Variants in CDC25A observed in about 807,000 individuals in gnomAD.
CDC25A encodes M-phase inducer phosphatase 1.
Under a neutral mutation model 64.6 loss-of-function variants are expected in CDC25A, and 17 were observed. The observed-to-expected ratio is 0.26, with a 90% CI of 0.18 to 0.39. The LOEUF is 0.39. Among genes scored for constraint, CDC25A ranks in the 10% least tolerant of loss-of-function variants. The pLI is 1.00. For missense variants in CDC25A, 473 were observed against 654.8 expected (o/e 0.72, Z 3.03); for synonymous variants, 229 against 238.6 (o/e 0.96, Z 0.37).
intron 10 of CDC25A, among the ~76,000 whole-genome samples, chr3:48,166,146 G>A (rs780483697): frequency 3.9e-5 from 6 of 152,094 alleles, no homozygotes; most frequent in East Asian, 1.9e-4. Flanking sequence ...TTAGCCGGGC[G>A]TTAGCATGCA....
chr3:48,169,941 G>A (rs533847523), intron 9 of CDC25A, among the ~76,000 whole-genome samples: 20 of 152,084 alleles, frequency 1.3e-4, no homozygotes, highest in African/African-American at 3.1e-4. Context: ...CCTGAGAGGC[G>A]GAGGTTGCAG....
intron 13 of CDC25A, among the ~76,000 whole-genome samples, chr3:48,164,076 G>A (rs1444467877): frequency 6.6e-6 from 1 of 152,226 alleles, no homozygotes; most frequent in Non-Finnish European, 1.5e-5. Context: ...CTTTGTACTT[G>A]AAGGAGGTCA....
At chr3:48,159,562 TCC>T in intron 13 of CDC25A, 107 bp from the exon 14 acceptor site, 1 of 706,276 alleles carries the variant, frequency 1.4e-6, no homozygotes, top group Non-Finnish European at 2.5e-6. Context: ...ATACACATCT[TCC>T]CAACTTGACA....
intron 13 of CDC25A, among the ~76,000 whole-genome samples, chr3:48,163,397 G>A (rs879349403): frequency 1.3e-3 from 198 of 152,052 alleles, no homozygotes; most frequent in Non-Finnish European, 1.6e-3. Context: ...CTAAGGTCGG[G>A]AGTTCAAGAC....
chr3:48,169,030 T>C (rs982410156), intron 9 of CDC25A, among the ~76,000 whole-genome samples: 4 of 152,220 alleles, frequency 2.6e-5, no homozygotes, highest in Non-Finnish European at 4.4e-5. Context: ...ATAATACTTG[T>C]AATACACAGA....
chr3:48,188,244 G>T lies in CDC25A; in HGVS notation c.-297C>A, dbSNP rs3731486. ...AAGATTAAATCCAAACAAACGTGGC[G>T]GGTCGGCAAGAGAAGCCGGGCGAGA... On this transcript the variant is annotated 5_prime_UTR_variant, in exon 1 of 15. Coordinates refer to ENST00000302506, the MANE Select transcript of CDC25A (RefSeq NM_001789.3). The T allele has an allele frequency of 1.1e-5, 3 of 268,832 alleles. No individual in the cohort carries two copies. The highest frequency in any genetic ancestry group is 2.1e-5 in the Non-Finnish European group (3 of 144,090). The allele number at this position is 268,832 out of a possible 1,614,324, so 16.7% of individuals were successfully genotyped here.
At position 48,158,005 on chromosome 3, in the gene CDC25A, A is replaced by AC. The variant is rs1316897547; in HGVS notation, c.*939dup. On this transcript the variant is annotated 3_prime_UTR_variant, in exon 15 of 15. Coordinates refer to ENST00000302506, the MANE Select transcript of CDC25A (RefSeq NM_001789.3). The stretch of plus-strand genomic sequence containing the variant: ...CATCCTGTGGAGCCCACCTACCCCC[A>AC]CCCCCCTTCCCTGGGAAACCTACAC... 3 of 124,986 alleles carry AC rather than the reference A, an allele frequency of 2.4e-5. No homozygotes were observed. Among genetic ancestry groups the AC allele is most frequent in the African/African-American group, 2.9e-5 (1 of 34,120 alleles). 7.7% of individuals were successfully genotyped at this position (124,986 alleles called of 1,614,324 possible). A position where few individuals can be genotyped will look rare whatever the true frequency, so the allele number is the denominator to read the frequency against.
intron 8 of CDC25A, among the ~76,000 whole-genome samples, chr3:48,176,196 C>A (rs566470286): frequency 2.0e-5 from 3 of 151,906 alleles, no homozygotes; most frequent in African/African-American, 7.2e-5. Flanking sequence ...AACAAACAAA[C>A]AAAAAAACTG....
chr3:48,174,260 C>A, intron 9 of CDC25A, 24 bp downstream of exon 9: 1 of 1,590,174 alleles, frequency 6.3e-7, no homozygotes, highest in Non-Finnish European at 8.5e-7. Flanking sequence ...TGTGCTAGAG[C>A]AAAAAGGAAC....
At position 48,180,829 on chromosome 3, in the gene CDC25A, C is replaced by T; in HGVS notation, c.441G>A (p.Glu147=). 2 of 1,614,068 alleles carry T rather than the reference C, an allele frequency of 1.2e-6. No individual in the cohort carries two copies. Among genetic ancestry groups the T allele is most frequent in the South Asian group, 1.1e-5 (1 of 91,078 alleles). The change falls in exon 6 of 15, where the codon GAG becomes GAA. Residue 147 remains glutamate, a synonymous_variant. Transcript: ENST00000302506. Reference sequence around the variant, plus strand: ...ATACAGGTCTTACTGGCTTCTTAAACTCAAAGGCTTCCTGCAAGACATAGT... The same window carrying T: ...ATACAGGTCTTACTGGCTTCTTAAATTCAAAGGCTTCCTGCAAGACATAGT... The part of the protein sequence containing the change: ...PDENKENEAF[E]FKKPVRPVSR...
intron 8 of CDC25A, among the ~76,000 whole-genome samples, chr3:48,176,344 T>C (rs2032455093): frequency 6.6e-6 from 1 of 152,016 alleles, no homozygotes. Flanking sequence ...TTCTTGCTTC[T>C]AACTTTGAAA....
intron 13 of CDC25A, among the ~76,000 whole-genome samples, chr3:48,162,129 T>C (rs1485385630): frequency 6.6e-6 from 1 of 152,100 alleles, no homozygotes; most frequent in Admixed American, 6.6e-5. Context: ...TGGAGACAGA[T>C]GTTTGAAGGA....
chr3:48,187,052 T>C (rs767232397), intron 1 of CDC25A, among the ~76,000 whole-genome samples: 129 of 152,308 alleles, frequency 8.5e-4, no homozygotes, highest in Non-Finnish European at 7.2e-4. Flanking sequence ...AATAAAAGCA[T>C]GTGTTCTAAG....
intron 5 of CDC25A, chr3:48,181,516 C>T: frequency 1.6e-6 from 2 of 1,212,994 alleles, no homozygotes; most frequent in Non-Finnish European, 2.4e-6. Context: ...CCCTTGGTCT[C>T]GGGGTCGCGG....
At chr3:48,183,927 G>A (rs1398155623) in intron 3 of CDC25A, 91 bp from the exon 4 acceptor site, 5 of 766,198 alleles carry the variant, frequency 6.5e-6, no homozygotes, top group Non-Finnish European at 1.1e-5. Flanking sequence ...CTGTAGCTTG[G>A]GGGTACAGTC....
At chr3:48,168,715 C>T (rs2032154423) in intron 9 of CDC25A, among the ~76,000 whole-genome samples, 1 of 148,778 alleles carries the variant, frequency 6.7e-6, no homozygotes, top group South Asian at 2.1e-4. Flanking sequence ...GGCTGGAGTA[C>T]AGTGATCTTG....
intron 9 of CDC25A, 137 bp downstream of exon 9, chr3:48,174,147 A>G (rs147484468): frequency 2.7e-6 from 2 of 729,226 alleles, no homozygotes; most frequent in Non-Finnish European, 4.4e-6. Context: ...AAACACACAC[A>G]CACCCACACA....
At chr3:48,172,251 C>A (rs1380412158) in intron 9 of CDC25A, among the ~76,000 whole-genome samples, 1 of 152,130 alleles carries the variant, frequency 6.6e-6, no homozygotes, top group Non-Finnish European at 1.5e-5. Context: ...TCTTTTAGAA[C>A]AATACTTTAA....
intron 3 of CDC25A, among the ~76,000 whole-genome samples, chr3:48,184,190 C>A (rs1031302418): frequency 6.6e-6 from 1 of 152,014 alleles, no homozygotes; most frequent in Non-Finnish European, 1.5e-5. Context: ...GATGAAACCT[C>A]GTGTCTACTA....
Sources: gnomAD v4.1 joint callset for allele counts (sites outside exome capture counted in the v4.1 genomes callset) on GRCh38, gnomAD v4.1.1 for gene constraint, MANE v1.5 for transcripts, NCBI Gene and HGNC (gene_info 2026-07-23, HGNC 2026-07-21) for gene names.